DTWD2: variants seen among roughly 807,000 people sequenced by gnomAD.
DTWD2 encodes the protein DTW motif tRNA-uridine aminocarboxypropyltransferase 2.
A neutral mutation model predicts 31.8 loss-of-function variants in DTWD2; 39 were observed. The ratio of observed to expected loss-of-function variants is 1.22; its 90% confidence interval spans 0.95 to 1.60. The LOEUF is 1.60. Ranked by LOEUF, DTWD2 falls within the 40% of genes most tolerant of loss-of-function variation. DTWD2 has a pLI of 0.00. For synonymous variants in DTWD2, 180 were observed against 142.8 expected (o/e 1.26, Z -1.86); for missense variants, 515 against 381.5 (o/e 1.35, Z -2.92).
chr5:118,932,665 C>T (rs542307230), intron 3 of DTWD2, among the ~76,000 whole-genome samples: 1 of 152,166 alleles, frequency 6.6e-6, no homozygotes, highest in African/African-American at 2.4e-5. Flanking sequence ...AATTTGGACA[C>T]AAAAGAAGAG....
intron 4 of DTWD2, among the ~76,000 whole-genome samples, chr5:118,919,037 C>A (rs796876143): frequency 1.3e-5 from 2 of 152,294 alleles, no homozygotes; most frequent in African/African-American, 4.8e-5. Flanking sequence ...TTGTCTGATG[C>A]CTAGCTGCAA....
intron 3 of DTWD2, among the ~76,000 whole-genome samples, chr5:118,932,110 C>T (rs1753937030): frequency 6.6e-6 from 1 of 151,878 alleles, no homozygotes; most frequent in African/African-American, 2.4e-5. Context: ...CATTAAAATG[C>T]ACATTAAGAA....
chr5:118,952,776 T>A (rs1580433444), intron 1 of DTWD2, among the ~76,000 whole-genome samples: 1 of 152,350 alleles, frequency 6.6e-6, no homozygotes, highest in Non-Finnish European at 1.5e-5. Flanking sequence ...TACAATATTA[T>A]TTTAAGTACA....
chr5:118,861,998 C>T (rs1580772442), intron 4 of DTWD2, among the ~76,000 whole-genome samples: 2 of 152,310 alleles, frequency 1.3e-5, no homozygotes, highest in African/African-American at 2.4e-5. Flanking sequence ...GGACCGGTAC[C>T]GTTCTGTGGT....
intron 4 of DTWD2, among the ~76,000 whole-genome samples, chr5:118,915,501 A>C (rs1451407676): frequency 2.7e-5 from 4 of 150,864 alleles, no homozygotes; most frequent in African/African-American, 9.8e-5. Context: ...CAGCCTCCCT[A>C]GCAGCTGGGA....
At position 118,848,170 on chromosome 5, in the gene DTWD2, G is replaced by C; in HGVS notation, c.646C>G (p.Pro216Ala). The C allele has an allele frequency of 6.2e-7, 1 of 1,606,388 alleles. No homozygotes were observed. Among genetic ancestry groups the C allele is most frequent in the Non-Finnish European group, 8.5e-7 (1 of 1,176,654 alleles). ...ISSQYVIRMQ[P>A]TNRCLSTLEC... is the part of the protein sequence containing the mutation. ...AGTGTAGAAAGGCATCTATTAGTCG[G>C]CTGCATCCGAATTACATACTGACTA... is the stretch of plus-strand genomic sequence containing the variant. The change falls in exon 5 of 6, where the codon CCG becomes GCG. Residue 216 changes from proline (P) to alanine (A), a missense_variant. Pro to Ala is a conservative substitution (Grantham distance 27, BLOSUM62 -1). Coordinates refer to ENST00000510708, the MANE Select transcript of DTWD2 (RefSeq NM_173666.4).
chr5:118,961,248 T>C lies in DTWD2; in HGVS notation c.219-16599A>G, dbSNP rs142473316. On this transcript the variant is annotated intron_variant, in intron 1 of 5. Transcript: ENST00000510708. ...TCAACTAAGACTGAGAATCTTATCA[T>C]AATCATCTCACGTTCAGTTAACCTA... 1.3e-3 allele frequency among the ~76,000 whole-genome samples: 198 copies of C among 152,320 alleles called. 1 individual carries two copies. The highest frequency in any genetic ancestry group is 6.8e-3 in the Middle Eastern group (2 of 294).
intron 1 of DTWD2, among the ~76,000 whole-genome samples, chr5:118,951,846 C>A (rs1362274021): frequency 1.3e-5 from 2 of 152,132 alleles, no homozygotes; most frequent in African/African-American, 4.8e-5. Context: ...AGGCAGGCGT[C>A]CCCATGGTGA....
In DTWD2 at chr5:118,838,764, A is replaced by G. The variant is rs1751635475; in HGVS notation, c.*2153T>C. On this transcript the variant is annotated 3_prime_UTR_variant, in exon 6 of 6. Transcript: ENST00000510708. Reference sequence around the variant, plus strand: ...AAATTTTAAGCTTTTTAAGTCTTCAAAAATACTCTAAAATGTTTTATTTAA... The same window carrying G: ...AAATTTTAAGCTTTTTAAGTCTTCAGAAATACTCTAAAATGTTTTATTTAA... The G allele has an allele frequency of 1.5e-5, 1 of 68,928 alleles. No individual in the cohort carries two copies. Among genetic ancestry groups the G allele is most frequent in the African/African-American group, 1.6e-4 (1 of 6,090 alleles). The allele number at this position is 68,928 out of a possible 1,614,324, so 4.3% of individuals were successfully genotyped here.
intron 4 of DTWD2, among the ~76,000 whole-genome samples, chr5:118,913,892 T>C (rs1753516333): frequency 6.6e-6 from 1 of 152,152 alleles, no homozygotes. Flanking sequence ...GCTGGTAGTA[T>C]AGTGGTTTTT....
At chr5:118,944,235 T>G (rs965249846) in intron 2 of DTWD2, among the ~76,000 whole-genome samples, 9 of 152,220 alleles carry the variant, frequency 5.9e-5, no homozygotes, top group African/African-American at 2.2e-4. Flanking sequence ...ACATAAGCTA[T>G]GACCAAAATT....
In DTWD2 at chr5:118,848,075, C is replaced by T. The variant is rs553980171; in HGVS notation, c.726+15G>A. On this transcript the variant is annotated intron_variant, in intron 5 of 5. Coordinates refer to ENST00000510708, the MANE Select transcript of DTWD2 (RefSeq NM_173666.4). ...AACTCCCACTTTGAAAAACTATAACCTTACAAAGACGTACCTCTTGTATGT... is the reference window on the plus strand; with the variant it reads ...AACTCCCACTTTGAAAAACTATAACTTTACAAAGACGTACCTCTTGTATGT... 7 of 1,524,532 alleles carry T rather than the reference C, an allele frequency of 4.6e-6. No homozygotes were observed. The highest frequency in any genetic ancestry group is 4.6e-5 in the Admixed American group (2 of 43,494). 94.4% of individuals were successfully genotyped at this position (1,524,532 alleles called of 1,614,324 possible).
intron 4 of DTWD2, among the ~76,000 whole-genome samples, chr5:118,912,406 C>G (rs1329896429): frequency 2.0e-5 from 3 of 152,242 alleles, no homozygotes; most frequent in Admixed American, 2.0e-4. Flanking sequence ...AAACTTCTTA[C>G]TAAGGCCACA....
At chr5:118,945,415 T>C (rs1164849216) in intron 1 of DTWD2, among the ~76,000 whole-genome samples, 4 of 152,152 alleles carry the variant, frequency 2.6e-5, no homozygotes, top group Admixed American at 6.5e-5. Flanking sequence ...AGGTAATGTA[T>C]GAATAAACAT....
At chr5:118,961,284 CCTTT>C (rs1357907656) in intron 1 of DTWD2, among the ~76,000 whole-genome samples, 1 of 152,128 alleles carries the variant, frequency 6.6e-6, no homozygotes, top group African/African-American at 2.4e-5. Context: ...TTACTTACTT[CCTTT>C]CTTTTTATAG....
At chr5:118,843,865 A>AT (rs1751784520) in intron 5 of DTWD2, among the ~76,000 whole-genome samples, 1 of 152,202 alleles carries the variant, frequency 6.6e-6, no homozygotes, top group South Asian at 2.1e-4. Context: ...GCAGATTGGC[A>AT]TTTTCTATCC....
At chr5:118,966,781 G>C (rs1323328994) in intron 1 of DTWD2, among the ~76,000 whole-genome samples, 3 of 152,070 alleles carry the variant, frequency 2.0e-5, no homozygotes, top group African/African-American at 7.2e-5. Context: ...TGTAATCCCA[G>C]CACTTTGAGA....
At chr5:118,981,297 T>C (rs1754754935) in intron 1 of DTWD2, among the ~76,000 whole-genome samples, 1 of 152,232 alleles carries the variant, frequency 6.6e-6, no homozygotes, top group Admixed American at 6.5e-5. Context: ...ACACATTATA[T>C]ATTTAATGTC....
chr5:118,838,734 A>C lies in DTWD2; in HGVS notation c.*2183T>G, dbSNP rs1399210977. 6.7e-6 allele frequency: 1 copy of C among 149,504 alleles called. No homozygotes were observed. The highest frequency in any genetic ancestry group is 6.6e-5 in the Admixed American group (1 of 15,062). 9.3% of individuals were successfully genotyped at this position (149,504 alleles called of 1,614,324 possible). On this transcript the variant is annotated 3_prime_UTR_variant, in exon 6 of 6. Coordinates refer to ENST00000510708, the MANE Select transcript of DTWD2 (RefSeq NM_173666.4). ...AAGAAAATTTTATACATTTCCAAAA[A>C]CACTAAATTTTAAGCTTTTTAAGTC...
Sources: gnomAD v4.1 joint callset for allele counts (sites outside exome capture counted in the v4.1 genomes callset) on GRCh38, gnomAD v4.1.1 for gene constraint, MANE v1.5 for transcripts, NCBI Gene and HGNC (gene_info 2026-07-23, HGNC 2026-07-21) for gene names.